TENM3: variants seen among roughly 807,000 people sequenced by gnomAD.
TENM3 encodes teneurin transmembrane protein 3.
A neutral mutation model predicts 255.1 loss-of-function variants in TENM3; 63 were observed. The ratio of observed to expected loss-of-function variants is 0.25; its 90% CI spans 0.20 to 0.30. The LOEUF (loss-of-function observed/expected upper bound fraction) is 0.30, where lower values mean the gene tolerates loss of function less well. Among genes scored for constraint, TENM3 ranks in the 10% least tolerant of loss-of-function variants. TENM3 has a pLI of 1.00. For missense variants in TENM3, 2,929 were observed against 3,461.1 expected (o/e 0.85, Z 3.86); for synonymous variants, 1,306 against 1,322.3 (o/e 0.99, Z 0.27).
At chr4:182,544,279 C>G (rs975205013) in intron 3 of TENM3, among the ~76,000 whole-genome samples, 1 of 151,524 alleles carries the variant, frequency 6.6e-6, no homozygotes, top group African/African-American at 2.4e-5. Flanking sequence ...CTCAACTTTC[C>G]CCTGCAAGGC....
intron 1 of TENM3, among the ~76,000 whole-genome samples, chr4:182,223,001 A>G (rs771263520): frequency 2.6e-5 from 4 of 152,190 alleles, no homozygotes; most frequent in Non-Finnish European, 5.9e-5. Context: ...TTACAAGAAC[A>G]GTTTGGTCTT....
At chr4:182,744,291 G>T (rs373520527) in intron 19 of TENM3, 4 of 489,496 alleles carry the variant, frequency 8.2e-6, no homozygotes, top group African/African-American at 6.4e-5. Context: ...ACACATCATC[G>T]AAGGAATTAA....
chr4:181,667,149 A>G, the TENM3 span, among the ~76,000 whole-genome samples: 1 of 152,140 alleles, frequency 6.6e-6, no homozygotes, highest in East Asian at 1.9e-4. Flanking sequence ...ATTCTTCTCC[A>G]TAAGTCCCAC....
chr4:182,762,395 A>G (rs1228059294), intron 22 of TENM3, among the ~76,000 whole-genome samples: 1 of 152,218 alleles, frequency 6.6e-6, no homozygotes, highest in African/African-American at 2.4e-5. Context: ...GGTGATTGTC[A>G]GATATTTACC....
At position 182,502,597 on chromosome 4, in the gene TENM3, A is replaced by G. The variant is rs540691930; in HGVS notation, c.512-98327A>G. 3.3e-5 allele frequency among the ~76,000 whole-genome samples: 5 copies of G among 151,870 alleles called. No homozygotes were observed. In the South Asian group the frequency reaches 1.0e-3, roughly 32 times the overall value. On this transcript the variant is annotated intron_variant, in intron 3 of 27. Transcript: ENST00000511685. ...CTTTTATTTTGACATGATGTTTTTA[A>G]TTTTCAAGACCTCTTTTTTTATTAT...
the TENM3 span, among the ~76,000 whole-genome samples, chr4:181,579,426 C>T: frequency 7.2e-5 from 11 of 152,284 alleles, no homozygotes; most frequent in Non-Finnish European, 1.5e-4. Context: ...TCTACTTTTT[C>T]CCATAATATT....
chr4:182,150,807 A>G (rs181995942), intron 1 of TENM3, among the ~76,000 whole-genome samples: 34 of 152,202 alleles, frequency 2.2e-4, no homozygotes, highest in African/African-American at 8.2e-4. Context: ...TTACTTAGAA[A>G]GGATTAACAG....
At position 182,324,113 on chromosome 4, in the gene TENM3, G is replaced by A. The variant is rs780435771; in HGVS notation, c.93G>A (p.Glu31=). 1 of 1,614,006 alleles carries A rather than the reference G, an allele frequency of 6.2e-7. No homozygotes were observed. The highest frequency in any genetic ancestry group is 2.2e-5 in the East Asian group (1 of 44,862). ...RRYTNSSADN[E]ECRVPTQKSY... ...ACACAAATTCCTCCGCAGACAATGA[G>A]GAGTGCCGGGTACCCACACAGAAGT... is the stretch of plus-strand genomic sequence containing the variant. Residue 31 remains glutamate, a synonymous_variant, in exon 2 of 28, where the codon GAG becomes GAA. Transcript: ENST00000511685.
the TENM3 span, among the ~76,000 whole-genome samples, chr4:181,698,035 A>C: frequency 5.9e-5 from 9 of 151,956 alleles, no homozygotes; most frequent in Non-Finnish European, 1.3e-4. Context: ...CACCATAGTG[A>C]AACCCTGTCT....
At chr4:181,529,910 A>G in the TENM3 span, among the ~76,000 whole-genome samples, 13 of 152,318 alleles carry the variant, frequency 8.5e-5, no homozygotes, top group Admixed American at 8.5e-4. Flanking sequence ...CAAACTTCCT[A>G]TGTGGCCTTA....
the TENM3 span, among the ~76,000 whole-genome samples, chr4:181,713,972 A>G: frequency 1.3e-5 from 2 of 152,128 alleles, no homozygotes; most frequent in Non-Finnish European, 2.9e-5. Flanking sequence ...GGGGTCTTTC[A>G]TATGCTACCT....
the TENM3 span, among the ~76,000 whole-genome samples, chr4:181,770,726 A>G: frequency 3.3e-5 from 5 of 150,922 alleles, no homozygotes; most frequent in African/African-American, 9.7e-5. Context: ...ATAAAATTTT[A>G]TCTTTGCACT....
chr4:182,476,506 AT>A (rs1457793902), intron 3 of TENM3, among the ~76,000 whole-genome samples: 1 of 152,232 alleles, frequency 6.6e-6, no homozygotes, highest in African/African-American at 2.4e-5. Flanking sequence ...AGAGCATAAA[AT>A]TTCAGCAGTC....
At chr4:182,288,569 A>G (rs7684852) in intron 1 of TENM3, among the ~76,000 whole-genome samples, 4,291 of 152,294 alleles carry the variant, frequency 0.028, 208 homozygotes, top group African/African-American at 0.097. Flanking sequence ...GTGGATGGAT[A>G]GATTTATTCA....
At chr4:182,414,246 G>A (rs1770208156) in intron 3 of TENM3, among the ~76,000 whole-genome samples, 1 of 152,064 alleles carries the variant, frequency 6.6e-6, no homozygotes. Flanking sequence ...GTGGTGAGTG[G>A]ACTTTTTTGA....
At chr4:182,242,020 CTCT>C (rs1462349429), upstream of TENM3, among the ~76,000 whole-genome samples, 209 of 133,656 alleles carry the variant, frequency 1.6e-3, 18 homozygotes, top group African/African-American at 6.2e-3. Context: ...TTTTTCCTCT[CTCT>C]TTTTTTTTTT....
At chr4:182,116,613 C>A in the TENM3 span, among the ~76,000 whole-genome samples, 1 of 152,172 alleles carries the variant, frequency 6.6e-6, no homozygotes, top group Non-Finnish European at 1.5e-5. Context: ...GAGGCCTCCC[C>A]ACCCATGCGG....
the TENM3 span, among the ~76,000 whole-genome samples, chr4:181,507,543 C>T: frequency 0.1 from 15,918 of 152,238 alleles, 860 homozygotes; most frequent in Middle Eastern, 0.16. Flanking sequence ...TTTAGCCTGA[C>T]ACCAAGTCAT....
chr4:181,952,069 C>T, the TENM3 span, among the ~76,000 whole-genome samples: 2 of 152,114 alleles, frequency 1.3e-5, no homozygotes, highest in Non-Finnish European at 2.9e-5. Context: ...GTGGTTTATT[C>T]CATCCTTGTC....
Sources: allele counts gnomAD v4.1 joint callset (sites outside exome capture counted in the v4.1 genomes callset), GRCh38; gene constraint gnomAD v4.1.1; transcripts MANE v1.5; gene names NCBI Gene and HGNC (gene_info 2026-07-23, HGNC 2026-07-21).